The following ERBB4 variants were observed in gnomAD, a reference collection of about 807,000 sequenced individuals.
ERBB4 encodes the protein receptor tyrosine-protein kinase erbB-4.
A neutral mutation model predicts 158.0 loss-of-function variants in ERBB4; 42 were observed. That is an observed-to-expected ratio of 0.27 (90% CI 0.21 to 0.34). The LOEUF (loss-of-function observed/expected upper bound fraction) is 0.34, where lower values mean the gene tolerates loss of function less well. Among genes scored for constraint, ERBB4 ranks in the 10% least tolerant of loss-of-function variants. The probability of loss-of-function intolerance (pLI) is 1.00; values close to 1 mark genes in which losing one functional copy is unlikely to be tolerated. For synonymous variants in ERBB4, 583 were observed against 558.7 expected, an observed-to-expected ratio of 1.04 and a Z score of -0.61; for missense variants, 1,333 against 1,624.1, an observed-to-expected ratio of 0.82 and a Z score of 3.08.
At chr2:212,463,828 G>A (rs1195093101) in intron 1 of ERBB4, among the ~76,000 whole-genome samples, 1 of 151,964 alleles carries the variant, frequency 6.6e-6, no homozygotes, top group African/African-American at 2.4e-5. Context: ...ATCCTATTTA[G>A]GATACATGGA....
At chr2:211,392,780 G>A (rs2062830272) in intron 25 of ERBB4, among the ~76,000 whole-genome samples, 2 of 151,974 alleles carry the variant, frequency 1.3e-5, no homozygotes, top group Admixed American at 1.3e-4. Flanking sequence ...GCAATTCTCT[G>A]CCTCAGCCTC....
At chr2:212,504,525 A>G (rs1691078411) in intron 1 of ERBB4, among the ~76,000 whole-genome samples, 1 of 152,114 alleles carries the variant, frequency 6.6e-6, no homozygotes, top group African/African-American at 2.4e-5. Flanking sequence ...CGTTAATCTC[A>G]AAGAAGGAAG....
At chr2:211,629,617 G>A (rs1468566259) in intron 17 of ERBB4, among the ~76,000 whole-genome samples, 2 of 152,166 alleles carry the variant, frequency 1.3e-5, no homozygotes, top group Non-Finnish European at 2.9e-5. Context: ...GAACAAAGCT[G>A]GAGGCATCAC....
intron 25 of ERBB4, among the ~76,000 whole-genome samples, chr2:211,417,094 C>T (rs572936033): frequency 3.9e-5 from 6 of 152,166 alleles, no homozygotes; most frequent in African/African-American, 7.2e-5. Context: ...ATATAGAGCA[C>T]GGTTTGCAGA....
intron 2 of ERBB4, among the ~76,000 whole-genome samples, chr2:212,010,138 T>A (rs186115436): frequency 2.9e-4 from 44 of 152,308 alleles, no homozygotes; most frequent in Non-Finnish European, 8.8e-5. Flanking sequence ...TGCCTCCTTG[T>A]TGCTCGTGGA....
intron 2 of ERBB4, among the ~76,000 whole-genome samples, chr2:212,091,696 A>C (rs1388004599): frequency 6.6e-6 from 1 of 152,158 alleles, no homozygotes; most frequent in Non-Finnish European, 1.5e-5. Flanking sequence ...AGTGAAACAA[A>C]CATTGAAAAA....
intron 2 of ERBB4, among the ~76,000 whole-genome samples, chr2:212,016,805 TCCTCAATG>T (rs1424256389): frequency 2.6e-5 from 4 of 152,098 alleles, no homozygotes; most frequent in African/African-American, 9.7e-5. Context: ...GGTAATTAAC[TCCTCAATG>T]CCTCATTTTC....
chr2:212,345,081 C>G (rs556543640), intron 1 of ERBB4, among the ~76,000 whole-genome samples: 94 of 151,700 alleles, frequency 6.2e-4, no homozygotes, highest in African/African-American at 2.2e-3. Context: ...CAGGCTAACA[C>G]GGTGAAACCC....
intron 12 of ERBB4, among the ~76,000 whole-genome samples, chr2:211,698,633 T>G (rs1187576384): frequency 1.3e-5 from 2 of 152,078 alleles, no homozygotes; most frequent in Non-Finnish European, 2.9e-5. Context: ...AAATCAATAA[T>G]GAATTTATCT....
At chr2:211,632,474 T>C (rs2070180298) in intron 16 of ERBB4, among the ~76,000 whole-genome samples, 1 of 152,104 alleles carries the variant, frequency 6.6e-6, no homozygotes, top group Admixed American at 6.5e-5. Flanking sequence ...CAACATTTCG[T>C]TAATTGTAGA....
intron 5 of ERBB4, among the ~76,000 whole-genome samples, chr2:211,734,790 G>A (rs1218051491): frequency 1.6e-4 from 24 of 150,876 alleles, no homozygotes; most frequent in Non-Finnish European, 1.5e-5. Context: ...GCGTGGTGGC[G>A]GGCGCCTGTA....
At chr2:211,534,700 C>T (rs1444054078) in intron 20 of ERBB4, among the ~76,000 whole-genome samples, 1 of 151,962 alleles carries the variant, frequency 6.6e-6, no homozygotes, top group African/African-American at 2.4e-5. Flanking sequence ...AATGAGCAGT[C>T]AGGGATAAAA....
At chr2:211,544,421 G>A (rs72941341) in intron 20 of ERBB4, among the ~76,000 whole-genome samples, 9 of 151,950 alleles carry the variant, frequency 5.9e-5, no homozygotes, top group East Asian at 5.8e-4. Context: ...TGCCCCACTC[G>A]TAGAGTTATA....
At chr2:211,911,078 A>T (rs891815697) in intron 3 of ERBB4, among the ~76,000 whole-genome samples, 1 of 152,194 alleles carries the variant, frequency 6.6e-6, no homozygotes, top group African/African-American at 2.4e-5. Context: ...AGCTGTTTTC[A>T]CTAGTAAATG....
rs190642198 is a variant in ERBB4 at position 211,665,174 on chromosome 2, T to A, written c.1871+149A>T. ...ACAAAGTTGATTCCATAAATCATTC[T>A]CTCAGTATTTCTCTTAAAATCAGCA... On this transcript the variant is annotated intron_variant, in intron 15 of 27. Coordinates refer to ENST00000342788, the MANE Select transcript of ERBB4 (RefSeq NM_005235.3). 5.0e-4 allele frequency: 416 copies of A among 834,712 alleles called. 1 individual carries two copies. In the African/African-American group the frequency reaches 5.8e-3, roughly 12 times the overall value. 51.7% of individuals were successfully genotyped at this position (834,712 alleles called of 1,614,324 possible).
intron 1 of ERBB4, among the ~76,000 whole-genome samples, chr2:212,212,503 G>C (rs1273591458): frequency 6.6e-6 from 1 of 151,646 alleles, no homozygotes; most frequent in Non-Finnish European, 1.5e-5. Context: ...GTAATTTATA[G>C]ATTCCATGCT....
intron 4 of ERBB4, among the ~76,000 whole-genome samples, chr2:211,787,735 T>C (rs1204571748): frequency 6.6e-6 from 1 of 152,130 alleles, no homozygotes; most frequent in East Asian, 1.9e-4. Flanking sequence ...CTTAAGTTTG[T>C]GGATAGTGGA....
intron 1 of ERBB4, among the ~76,000 whole-genome samples, chr2:212,285,794 GC>G (rs2085938781): frequency 1.3e-5 from 2 of 152,080 alleles, no homozygotes; most frequent in Admixed American, 1.3e-4. Context: ...ACAATATACA[GC>G]TTGGTATTCG....
chr2:212,312,766 ATTC>A (rs1378117830), intron 1 of ERBB4, among the ~76,000 whole-genome samples: 1 of 150,868 alleles, frequency 6.6e-6, no homozygotes, highest in African/African-American at 2.4e-5. Context: ...GTTTGGCTTT[ATTC>A]TTATTTGCTT....
Sources: allele counts gnomAD v4.1 joint callset (sites outside exome capture counted in the v4.1 genomes callset), GRCh38; gene constraint gnomAD v4.1.1; transcripts MANE v1.5; gene names NCBI Gene and HGNC (gene_info 2026-07-23, HGNC 2026-07-21).